The following NBEA variants were observed in gnomAD, a reference collection of about 807,000 sequenced individuals.
The protein encoded by NBEA is neurobeachin.
In NBEA, 44 loss-of-function variants were observed where a neutral mutation model predicts 343.4. The ratio of observed to expected loss-of-function variants is 0.13; its 90% confidence interval spans 0.10 to 0.16. NBEA has a LOEUF of 0.16. Among genes scored for constraint, NBEA ranks in the 10% least tolerant of loss-of-function variants. NBEA has a pLI of 1.00. For synonymous variants in NBEA, 1,175 were observed against 1,238.7 expected, an observed-to-expected ratio of 0.95 and a Z score of 1.08; for missense variants, 2,555 against 3,631.3, an observed-to-expected ratio of 0.70 and a Z score of 7.62.
intron 49 of NBEA, among the ~76,000 whole-genome samples, chr13:35,641,153 G>T (rs2083929522): frequency 6.6e-6 from 1 of 151,742 alleles, no homozygotes; most frequent in South Asian, 2.1e-4. Flanking sequence ...TAAGTTATCA[G>T]TACCCTAAAA....
intron 47 of NBEA, among the ~76,000 whole-genome samples, chr13:35,604,240 T>C (rs899872464): frequency 6.6e-6 from 1 of 152,224 alleles, no homozygotes; most frequent in African/African-American, 2.4e-5. Context: ...TTCTACAGTA[T>C]GGTTTTTCTT....
In NBEA at chr13:35,159,319, G is replaced by A. The variant is rs754785226; in HGVS notation, c.3148G>A (p.Val1050Met). The change falls in exon 22 of 59, where the codon GTG becomes ATG. Residue 1050 changes from valine (V) to methionine (M), a missense_variant. Physicochemically the swap from Val to Met is conservative, Grantham distance 21 (BLOSUM62 1). Transcript: ENST00000379939. Reference protein sequence around the residue: ...NSDRPGSGVHVEVHDLLVDIK... With the variant: ...NSDRPGSGVHMEVHDLLVDIK... ...AGATAGACCAGGAAGTGGTGTACAT[G>A]TGGAAGTACATGATCTTTTAGTAGA... 8 of 1,613,464 alleles carry A rather than the reference G, an allele frequency of 5.0e-6. No homozygotes were observed. In the South Asian group the frequency reaches 7.7e-5, roughly 16 times the overall value.
intron 39 of NBEA, among the ~76,000 whole-genome samples, chr13:35,438,221 C>T (rs184464389): frequency 1.3e-5 from 2 of 152,272 alleles, no homozygotes; most frequent in East Asian, 3.9e-4. Flanking sequence ...TTATGTTCCT[C>T]AGAGATGTGT....
At chr13:35,002,767 G>A (rs2061185603) in intron 1 of NBEA, among the ~76,000 whole-genome samples, 1 of 152,138 alleles carries the variant, frequency 6.6e-6, no homozygotes, top group East Asian at 1.9e-4. Context: ...ATACAAATCT[G>A]TTTCGGGATG....
At chr13:34,976,343 G>A (rs2060173233) in intron 1 of NBEA, among the ~76,000 whole-genome samples, 1 of 152,098 alleles carries the variant, frequency 6.6e-6, no homozygotes, top group Non-Finnish European at 1.5e-5. Flanking sequence ...AACCTCATAT[G>A]TTCTCACTCA....
intron 1 of NBEA, among the ~76,000 whole-genome samples, chr13:34,943,375 G>C (rs887994433): frequency 6.6e-6 from 1 of 152,018 alleles, no homozygotes; most frequent in Non-Finnish European, 1.5e-5. Flanking sequence ...TCACTTTTTA[G>C]GACCGCGAGT....
chr13:35,425,061 G>A (rs2044564716), intron 38 of NBEA, among the ~76,000 whole-genome samples: 1 of 151,974 alleles, frequency 6.6e-6, no homozygotes, highest in Non-Finnish European at 1.5e-5. Flanking sequence ...AGTCTTGCTA[G>A]CAGTCTATCA....
chr13:35,280,186 A>G (rs1594059980), intron 34 of NBEA, among the ~76,000 whole-genome samples: 1 of 152,136 alleles, frequency 6.6e-6, no homozygotes, highest in East Asian at 1.9e-4. Context: ...CTGATTAAAC[A>G]TATATTTTAG....
intron 38 of NBEA, among the ~76,000 whole-genome samples, chr13:35,405,349 C>T (rs1342185765): frequency 6.6e-6 from 1 of 152,144 alleles, no homozygotes; most frequent in African/African-American, 2.4e-5. Flanking sequence ...GAACCCATAT[C>T]TTAGTAGACT....
intron 41 of NBEA, among the ~76,000 whole-genome samples, chr13:35,488,399 G>A (rs568393493): frequency 4.0e-4 from 60 of 151,670 alleles, no homozygotes; most frequent in Middle Eastern, 6.8e-3. Flanking sequence ...TAGCTTTATC[G>A]AAATGTGTAA....
At chr13:35,042,125 CT>C (rs2062675246) in intron 2 of NBEA, among the ~76,000 whole-genome samples, 1 of 151,596 alleles carries the variant, frequency 6.6e-6, no homozygotes, top group Non-Finnish European at 1.5e-5. Flanking sequence ...TGAAAAATGG[CT>C]TAAAAAAGAA....
chr13:35,498,533 G>A (rs760655997), intron 41 of NBEA, among the ~76,000 whole-genome samples: 20 of 152,012 alleles, frequency 1.3e-4, no homozygotes, highest in Non-Finnish European at 2.6e-4. Flanking sequence ...TAAAGCACTA[G>A]GAGAGTGGGG....
intron 33 of NBEA, among the ~76,000 whole-genome samples, chr13:35,223,621 A>G (rs1043444759): frequency 5.9e-5 from 9 of 152,070 alleles, no homozygotes; most frequent in African/African-American, 1.9e-4. Flanking sequence ...TTATTTACTA[A>G]AATTCTAGTT....
intron 1 of NBEA, among the ~76,000 whole-genome samples, chr13:34,979,994 T>G (rs1044165871): frequency 6.6e-6 from 1 of 152,194 alleles, no homozygotes; most frequent in African/African-American, 2.4e-5. Flanking sequence ...CTGTAGTACC[T>G]TTGAAGAAAG....
intron 34 of NBEA, among the ~76,000 whole-genome samples, chr13:35,273,258 G>C (rs954528351): frequency 6.6e-6 from 1 of 152,142 alleles, no homozygotes; most frequent in East Asian, 1.9e-4. Flanking sequence ...TGTCTACTGG[G>C]TAAATAACGA....
chr13:34,974,865 G>T (rs1441082939), intron 1 of NBEA, among the ~76,000 whole-genome samples: 1 of 152,048 alleles, frequency 6.6e-6, no homozygotes, highest in Non-Finnish European at 1.5e-5. Context: ...TCACTTGCTG[G>T]TTCAATTGAA....
intron 53 of NBEA, among the ~76,000 whole-genome samples, chr13:35,653,245 T>C (rs1248997483): frequency 6.6e-6 from 1 of 152,084 alleles, no homozygotes; most frequent in Non-Finnish European, 1.5e-5. Context: ...GGATGATTAG[T>C]AAGATAAATT....
intron 1 of NBEA, among the ~76,000 whole-genome samples, chr13:34,971,527 T>C (rs113465460): frequency 0.016 from 2,403 of 152,316 alleles, 65 homozygotes; most frequent in African/African-American, 0.049. Context: ...GATATATTTC[T>C]TCAATACCTA....
intron 34 of NBEA, among the ~76,000 whole-genome samples, chr13:35,264,404 A>G (rs567878828): frequency 6.6e-6 from 1 of 151,966 alleles, no homozygotes; most frequent in Non-Finnish European, 1.5e-5. Flanking sequence ...CATATTACAA[A>G]CCCAGCATTT....
Sources: allele counts gnomAD v4.1 joint callset (sites outside exome capture counted in the v4.1 genomes callset), GRCh38; gene constraint gnomAD v4.1.1; transcripts MANE v1.5; gene names NCBI Gene and HGNC (gene_info 2026-07-23, HGNC 2026-07-21).